Variants in GRIP1 observed in about 807,000 individuals in gnomAD.
GRIP1 encodes glutamate receptor-interacting protein 1.
In GRIP1, 45 loss-of-function variants were observed where a neutral mutation model predicts 129.9. The ratio of observed to expected loss-of-function variants is 0.35; its 90% CI spans 0.27 to 0.44. GRIP1 has a LOEUF of 0.44. GRIP1 is among the 20% of genes least tolerant of loss of function. The pLI, the probability that GRIP1 is intolerant of heterozygous loss-of-function variation, is 1.00. For synonymous variants in GRIP1, 530 were observed against 520.8 expected (o/e 1.02, Z -0.24); for missense variants, 1,196 against 1,396.8 (o/e 0.86, Z 2.29).
At chr12:66,992,925 C>T (rs1051805287) in intron 1 of GRIP1, among the ~76,000 whole-genome samples, 5 of 152,134 alleles carry the variant, frequency 3.3e-5, no homozygotes, top group African/African-American at 1.2e-4. Context: ...CCACGCTGGG[C>T]AACATGGTGA....
chr12:67,029,239 A>G (rs2042984604), intron 1 of GRIP1, among the ~76,000 whole-genome samples: 2 of 152,112 alleles, frequency 1.3e-5, no homozygotes, highest in African/African-American at 4.8e-5. Flanking sequence ...GCCTCCCGAT[A>G]GCTAGCATGC....
chr12:66,661,683 C>T (rs1271062856), intron 1 of GRIP1, among the ~76,000 whole-genome samples: 1 of 152,034 alleles, frequency 6.6e-6, no homozygotes, highest in East Asian at 1.9e-4. Context: ...ATAATTCATA[C>T]ATTTTCGTTT....
rs116155619 is a variant in GRIP1 at position 66,390,103 on chromosome 12, G to A, written c.2464+2205C>T. Among the ~76,000 whole-genome samples the A allele has an allele frequency of 6.4e-3, 981 of 152,248 alleles. 17 individuals are homozygous for A. The highest frequency in any genetic ancestry group is 0.023 in the African/African-American group (947 of 41,534). Reference sequence around the variant, plus strand: ...TCATCAGAGCTACGTGGAGATGGGGGGCTGCCTCAGCACAAGGAACAACCT... The same window carrying A: ...TCATCAGAGCTACGTGGAGATGGGGAGCTGCCTCAGCACAAGGAACAACCT... On this transcript the variant is annotated intron_variant, in intron 19 of 24. Coordinates refer to ENST00000359742, the MANE Select transcript of GRIP1 (RefSeq NM_001366722.1).
At chr12:66,353,330 A>C in intron 24 of GRIP1, 87 bp downstream of exon 24, 24 of 898,676 alleles carry the variant, frequency 2.7e-5, no homozygotes, top group Non-Finnish European at 3.7e-5. Context: ...GAAAAGAGCA[A>C]AGGGCCCCAA....
intron 7 of GRIP1, among the ~76,000 whole-genome samples, chr12:66,494,450 AATCTTCTGTGAGTAT>A (rs2060183741): frequency 6.6e-6 from 1 of 152,182 alleles, no homozygotes; most frequent in Admixed American, 6.5e-5. Context: ...AGTTTCTTTC[AATCTTCTGTGAGTAT>A]AATGTCAGAT....
chr12:66,815,290 G>GT (rs2039186030), intron 1 of GRIP1, among the ~76,000 whole-genome samples: 1 of 152,076 alleles, frequency 6.6e-6, no homozygotes, highest in South Asian at 2.1e-4. Context: ...CTGGGGAAGA[G>GT]TTTTTTCCAA....
chr12:66,621,761 T>C (rs1435151803), intron 1 of GRIP1, among the ~76,000 whole-genome samples: 1 of 152,200 alleles, frequency 6.6e-6, no homozygotes, highest in African/African-American at 2.4e-5. Context: ...TAATACTTGC[T>C]ATTTTCTGTT....
At chr12:66,649,232 A>G (rs2032606504) in intron 1 of GRIP1, among the ~76,000 whole-genome samples, 1 of 152,190 alleles carries the variant, frequency 6.6e-6, no homozygotes, top group Admixed American at 6.5e-5. Flanking sequence ...AAAAGTATTC[A>G]TCCTATAAAA....
intron 2 of GRIP1, among the ~76,000 whole-genome samples, chr12:66,574,267 T>C (rs1373780430): frequency 6.6e-6 from 1 of 152,188 alleles, no homozygotes; most frequent in Non-Finnish European, 1.5e-5. Context: ...ATAGCGGTTT[T>C]AAAAAAATTA....
At chr12:66,364,643 T>C (rs192568696) in intron 23 of GRIP1, among the ~76,000 whole-genome samples, 17 of 152,320 alleles carry the variant, frequency 1.1e-4, no homozygotes, top group Admixed American at 9.8e-4. Flanking sequence ...TCCCTACCTA[T>C]ACTCTATAAT....
At chr12:66,908,955 A>G (rs759596182) in intron 1 of GRIP1, among the ~76,000 whole-genome samples, 2 of 152,170 alleles carry the variant, frequency 1.3e-5, no homozygotes, top group Non-Finnish European at 2.9e-5. Context: ...TCTATCCCTC[A>G]ATGGAGGAGC....
chr12:66,627,526 G>T (rs1274127094), intron 1 of GRIP1, among the ~76,000 whole-genome samples: 1 of 152,212 alleles, frequency 6.6e-6, no homozygotes, highest in South Asian at 2.1e-4. Context: ...AGTTACTGTA[G>T]TGGACGAGTA....
In GRIP1 at chr12:66,353,983, GT is replaced by G. The variant is rs1355629361; in HGVS notation, c.3013-421del. ...TTTCCTTCCTCCCCACTCCTGCCTG[GT>G]GCTCTGCTAAGCACAGTGCTCGGCG... On this transcript the variant is annotated intron_variant, in intron 23 of 24. Transcript: ENST00000359742. 3.3e-5 allele frequency among the ~76,000 whole-genome samples: 5 copies of G among 152,254 alleles called. No homozygotes were observed. The East Asian group carries it at 7.7e-4, about 24-fold the overall frequency.
chr12:66,432,685 T>C (rs1323849754), intron 13 of GRIP1, 57 bp from the exon 14 acceptor site: 3 of 925,244 alleles, frequency 3.2e-6, no homozygotes, highest in Non-Finnish European at 3.6e-6. Context: ...GGAGCACCCA[T>C]CAATAAAAAT....
intron 6 of GRIP1, 104 bp downstream of exon 6, chr12:66,517,797 T>C (rs993444598): frequency 5.5e-6 from 4 of 726,932 alleles, no homozygotes; most frequent in African/African-American, 1.7e-5. Context: ...GTTTGCTTAA[T>C]AGCTACATTT....
At chr12:66,847,572 T>C (rs1210629932) in intron 1 of GRIP1, among the ~76,000 whole-genome samples, 3 of 152,204 alleles carry the variant, frequency 2.0e-5, no homozygotes, top group African/African-American at 7.2e-5. Context: ...AGTACTTATG[T>C]ATGTCATTAA....
At chr12:66,865,472 GTT>G (rs34415330) in intron 1 of GRIP1, among the ~76,000 whole-genome samples, 3 of 146,276 alleles carry the variant, frequency 2.1e-5, no homozygotes, top group Non-Finnish European at 3.0e-5. Flanking sequence ...CTTTGTGGTA[GTT>G]TTTTTTTTTT....
chr12:66,363,223 A>G (rs1477728924), intron 23 of GRIP1, among the ~76,000 whole-genome samples: 1 of 134,828 alleles, frequency 7.4e-6, no homozygotes, highest in Non-Finnish European at 1.6e-5. Context: ...ATATATATAT[A>G]TATATAAAGT....
Position 66,392,354 on chromosome 12 carries a change from C to T in GRIP1, c.2418G>A (p.Val806=), listed in dbSNP as rs2056622772. Residue 806 remains valine (V), a synonymous_variant, in exon 19 of 25, where the codon GTG becomes GTA. Coordinates refer to ENST00000359742, the MANE Select transcript of GRIP1 (RefSeq NM_001366722.1). The stretch of plus-strand genomic sequence containing the variant: ...CTATTGCAGACCCATCCCATGAATC[C>T]ACAGCACTGTCCACACTGGGCACCG... ...PSTVPSVDSA[V]DSWDGSAIDT... is the part of the protein sequence containing the mutation. 1.2e-6 allele frequency: 2 copies of T among 1,613,724 alleles called. No individual in the cohort carries two copies. The highest frequency in any genetic ancestry group is 2.2e-5 in the South Asian group (2 of 91,072).
Sources: allele counts gnomAD v4.1 joint callset (sites outside exome capture counted in the v4.1 genomes callset), GRCh38; gene constraint gnomAD v4.1.1; transcripts MANE v1.5; gene names NCBI Gene and HGNC (gene_info 2026-07-23, HGNC 2026-07-21).